ZNF524: variants seen among roughly 807,000 people sequenced by gnomAD.
The protein encoded by ZNF524 is zinc finger protein 524.
For missense variants in ZNF524, 388 were observed against 380.1 expected (o/e 1.02, Z -0.17); for synonymous variants, 194 against 166.3 (o/e 1.17, Z -1.28).
At chr19:55,600,287 C>T (rs1003643032), upstream of ZNF524, 4 of 149,256 alleles carry the variant, frequency 2.7e-5, no homozygotes, top group Admixed American at 6.7e-5. Flanking sequence ...CACCGCGCGC[C>T]GCCGCCCCCG....
At chr19:55,601,942 A>T in intron 1 of ZNF524, 133 bp from the exon 2 acceptor site, 1 of 545,064 alleles carries the variant, frequency 1.8e-6, no homozygotes, top group Non-Finnish European at 3.1e-6. Context: ...CAGCATAGCT[A>T]AAATTGTGTA....
intron 1 of ZNF524, 74 bp from the exon 2 acceptor site, chr19:55,602,001 A>G (rs1980703048): frequency 1.0e-6 from 1 of 961,460 alleles, no homozygotes; most frequent in Admixed American, 2.7e-5. Flanking sequence ...GGAGAGAGGG[A>G]TGGGCGAGGT....
At chr19:55,600,649 G>C (rs1040345583) in intron 1 of ZNF524, 1 of 152,136 alleles carries the variant, frequency 6.6e-6, no homozygotes, top group Admixed American at 6.5e-5. Flanking sequence ...TTCGCAGCTC[G>C]GGGGCCGATG....
At chr19:55,599,709 G>A (rs140900046), upstream of ZNF524, 1,284 of 152,536 alleles carry the variant, frequency 8.4e-3, 10 homozygotes, top group Non-Finnish European at 0.014. Context: ...AAGGGGCGGG[G>A]CTTAGGGACA....
intron 1 of ZNF524, 58 bp from the exon 2 acceptor site, chr19:55,602,017 G>C: frequency 2.6e-6 from 3 of 1,172,194 alleles, no homozygotes; most frequent in African/African-American, 1.5e-5. Context: ...GAGGTGTTGG[G>C]GGACACAGGG....
intron 1 of ZNF524, 37 bp downstream of exon 1, chr19:55,600,445 G>GAT (rs1487165773): frequency 6.8e-6 from 1 of 146,208 alleles, no homozygotes; most frequent in East Asian, 2.1e-4. Context: ...GGGAGGGGGG[G>GAT]TGTGGGGGTA....
Position 55,602,098 on chromosome 19 carries a change from G to A in ZNF524, c.-15G>A, listed in dbSNP as rs758771905. 6.6e-6 allele frequency: 10 copies of A among 1,518,184 alleles called. No homozygotes were observed. Among genetic ancestry groups the A allele is most frequent in the Non-Finnish European group, 8.8e-6 (10 of 1,133,814 alleles). 94.0% of individuals were successfully genotyped at this position (1,518,184 alleles called of 1,614,324 possible). ...AGCTGGCTCCAGTGCCCAGACCCAA[G>A]CCCCCCACTGCTCAATGGACACCCC... On this transcript the variant is annotated 5_prime_UTR_variant, in exon 2 of 2. Transcript: ENST00000301073.
Position 55,600,330 on chromosome 19 carries a change from C to G in ZNF524, c.-117C>G, listed in dbSNP as rs933571175. 2 of 150,024 alleles carry G rather than the reference C, an allele frequency of 1.3e-5. No homozygotes were observed. 9.3% of individuals were successfully genotyped at this position (150,024 alleles called of 1,614,324 possible). A position where few individuals can be genotyped will look rare whatever the true frequency, so the allele number is the denominator to read the frequency against. On this transcript the variant is annotated 5_prime_UTR_variant, in exon 1 of 2. Coordinates refer to ENST00000301073, the MANE Select transcript of ZNF524 (RefSeq NM_153219.4). ...GCCGCCGAGGGGCAGGGCCCCCTCA[C>G]CCCCTCCCCTTCCCACGCGCCGGCC...
At chr19:55,600,986 C>G (rs1486948512) in intron 1 of ZNF524, 1 of 152,230 alleles carries the variant, frequency 6.6e-6, no homozygotes, top group African/African-American at 2.4e-5. Flanking sequence ...TTACTGTGCA[C>G]CAGGCAGTGT....
In ZNF524 at chr19:55,602,467, T is replaced by C. The variant is rs1162286430; in HGVS notation, c.355T>C (p.Cys119Arg). The part of the protein sequence containing the change: ...PRKAPHFCPV[C>R]LRAFPYLSDL... ...GAAGGCCCCACACTTCTGCCCGGTG[T>C]GCCTGCGGGCCTTCCCCTACCTCTC... The change falls in exon 2 of 2, where the codon TGC becomes CGC. Residue 119 changes from cysteine to arginine, a missense_variant. Cys to Arg is a radical substitution (Grantham distance 180). Transcript: ENST00000301073. 6.3e-7 allele frequency: 1 copy of C among 1,598,808 alleles called. No individual in the cohort carries two copies. Among genetic ancestry groups the C allele is most frequent in the East Asian group, 2.3e-5 (1 of 44,366 alleles).
rs760605479 is a variant in ZNF524, at chr19:55,602,608, G to A, written c.496G>A (p.Gly166Ser). 1.9e-6 allele frequency: 3 copies of A among 1,580,980 alleles called. No individual in the cohort carries two copies. Among genetic ancestry groups the A allele is most frequent in the South Asian group, 1.1e-5 (1 of 88,676 alleles). Residue 166 changes from glycine (G) to serine (S), a missense_variant, in exon 2 of 2, where the codon GGC becomes AGC. By Grantham distance (56) the Gly-to-Ser change is moderately conservative. Coordinates refer to ENST00000301073, the MANE Select transcript of ZNF524 (RefSeq NM_153219.4). ...HLRRHCNIHA[G>S]LRPFRCPLCP... is the part of the protein sequence containing the mutation. ...GCGGCGGCACTGCAACATCCATGCC[G>A]GCCTGCGGCCCTTCCGCTGCCCGCT...
chr19:55,599,586 C>A, upstream of ZNF524: 1 of 152,542 alleles, frequency 6.6e-6, no homozygotes. Flanking sequence ...CCCTTTCTCC[C>A]GCCCTCTTGG....
At chr19:55,601,069 A>G (rs1980657762) in intron 1 of ZNF524, 1 of 152,224 alleles carries the variant, frequency 6.6e-6, no homozygotes, top group Admixed American at 6.5e-5. Flanking sequence ...TTTTCAGAGG[A>G]GGAAACTGGC....
chr19:55,601,460 G>A (rs1980675976), intron 1 of ZNF524: 1 of 152,242 alleles, frequency 6.6e-6, no homozygotes, highest in Non-Finnish European at 1.5e-5. Flanking sequence ...CAAAAGTCTT[G>A]ATTAAGGCTT....
chr19:55,601,669 G>T (rs1320106450), intron 1 of ZNF524: 1 of 153,360 alleles, frequency 6.5e-6, no homozygotes, highest in East Asian at 1.9e-4. Context: ...AGGGAGGGAT[G>T]AGAGCATTCG....
chr19:55,600,139 TGCGCAGGC>T (rs1414362093), upstream of ZNF524: 2 of 152,062 alleles, frequency 1.3e-5, no homozygotes, highest in Non-Finnish European at 2.9e-5. Context: ...GGGCCGCCGG[TGCGCAGGC>T]GCGGCTTCCG....
chr19:55,602,927 C>A lies in ZNF524; in HGVS notation c.*20C>A. The A allele has an allele frequency of 6.6e-7, 1 of 1,526,376 alleles. No homozygotes were observed. The highest frequency in any genetic ancestry group is 8.8e-7 in the Non-Finnish European group (1 of 1,132,466). 94.6% of individuals were successfully genotyped at this position (1,526,376 alleles called of 1,614,324 possible). A position where few individuals can be genotyped will look rare whatever the true frequency, so the allele number is the denominator to read the frequency against. ...GCCTGACCCACACCCCCGGCCATCGCTCCCTGGGCCAGGTTTAGAGCAGGG... is the reference window on the plus strand; with the variant it reads ...GCCTGACCCACACCCCCGGCCATCGATCCCTGGGCCAGGTTTAGAGCAGGG... On this transcript the variant is annotated 3_prime_UTR_variant, in exon 2 of 2. Transcript: ENST00000301073.
In ZNF524 at chr19:55,602,994, C is replaced by T. The variant is rs1323742801; in HGVS notation, c.*87C>T. The T allele has an allele frequency of 4.2e-6, 6 of 1,416,786 alleles. No homozygotes were observed. The highest frequency in any genetic ancestry group is 5.6e-6 in the Non-Finnish European group (6 of 1,067,440). 87.8% of individuals were successfully genotyped at this position (1,416,786 alleles called of 1,614,324 possible). A position where few individuals can be genotyped will look rare whatever the true frequency, so the allele number is the denominator to read the frequency against. On this transcript the variant is annotated 3_prime_UTR_variant, in exon 2 of 2. Coordinates refer to ENST00000301073, the MANE Select transcript of ZNF524 (RefSeq NM_153219.4). ...GGCCTGAGCCAGGGGGCCGGGACAC[C>T]CTTGTTTCCGGTGGTCTTCCCGTTG...
At position 55,600,417 on chromosome 19, in the gene ZNF524, G is replaced by C. The variant is rs1392170173; in HGVS notation, c.-39+9G>C. The stretch of plus-strand genomic sequence containing the variant: ...GGCGACATGCAAATGAGGTACCCGA[G>C]AGGCGGGGGGCGCAGGCGGGAGGGG... On this transcript the variant is annotated intron_variant, in intron 1 of 1. Transcript: ENST00000301073. 1 of 120,116 alleles carries C rather than the reference G, an allele frequency of 8.3e-6. No individual in the cohort carries two copies. Among genetic ancestry groups the C allele is most frequent in the African/African-American group, 3.0e-5 (1 of 33,844 alleles). 7.4% of individuals were successfully genotyped at this position (120,116 alleles called of 1,614,324 possible).
Sources: gnomAD v4.1 joint callset for allele counts on GRCh38, gnomAD v4.1.1 for gene constraint, MANE v1.5 for transcripts, NCBI Gene and HGNC (gene_info 2026-07-23, HGNC 2026-07-21) for gene names.